The following PTPRD variants were observed in gnomAD, a reference collection of about 807,000 sequenced individuals.
PTPRD encodes protein tyrosine phosphatase receptor type D.
PTPRD carries 34 observed loss-of-function variants against 214.5 expected under a neutral mutation model. The ratio of observed to expected loss-of-function variants is 0.16; its 90% CI spans 0.12 to 0.21. The LOEUF (loss-of-function observed/expected upper bound fraction) is 0.21, where lower values mean the gene tolerates loss of function less well. Ranked by LOEUF, PTPRD falls within the 10% of genes least tolerant of loss-of-function variation. The pLI is 1.00. For synonymous variants in PTPRD, 1,128 were observed against 845.7 expected, an observed-to-expected ratio of 1.33 and a Z score of -5.79; for missense variants, 2,545 against 2,398.7, an observed-to-expected ratio of 1.06 and a Z score of -1.27.
intron 11 of PTPRD, among the ~76,000 whole-genome samples, chr9:8,776,378 C>A (rs12352033): frequency 1.3e-5 from 2 of 152,248 alleles, no homozygotes; most frequent in East Asian, 1.9e-4. Context: ...TCTTGGCTCA[C>A]TGCAGTATTG....
At chr9:8,564,123 C>G (rs528855234) in intron 14 of PTPRD, among the ~76,000 whole-genome samples, 8 of 151,342 alleles carry the variant, frequency 5.3e-5, no homozygotes, top group African/African-American at 1.9e-4. Context: ...AACTGCCAGT[C>G]AGCCACATGA....
chr9:10,093,341 A>T (rs1320722363), intron 3 of PTPRD, among the ~76,000 whole-genome samples: 2 of 151,636 alleles, frequency 1.3e-5, no homozygotes, highest in East Asian at 3.9e-4. Flanking sequence ...AACATGAAAA[A>T]AATCCTCATC....
Position 9,243,540 on chromosome 9 carries a change from C to A in PTPRD, c.-202-60177G>T, listed in dbSNP as rs189856924. ...TATAAACAGAACCAAAGACAAAAACCACATGATTATCTCAATAGATTCAGA... is the reference window on the plus strand; with the variant it reads ...TATAAACAGAACCAAAGACAAAAACAACATGATTATCTCAATAGATTCAGA... On this transcript the variant is annotated intron_variant, in intron 9 of 45. Coordinates refer to ENST00000381196, the MANE Select transcript of PTPRD (RefSeq NM_002839.4). Among the ~76,000 whole-genome samples, 1,027 of 152,160 alleles carry A rather than the reference C, an allele frequency of 6.7e-3. 11 individuals carry two copies. The highest frequency in any genetic ancestry group is 0.023 in the African/African-American group (958 of 41,518).
At chr9:10,603,735 G>T (rs1313454364) in intron 2 of PTPRD, among the ~76,000 whole-genome samples, 1 of 151,826 alleles carries the variant, frequency 6.6e-6, no homozygotes, top group Admixed American at 6.6e-5. Context: ...TCTATCTGAA[G>T]ATTTCTCAAG....
At chr9:8,745,516 G>C (rs911189174) in intron 11 of PTPRD, among the ~76,000 whole-genome samples, 1 of 152,136 alleles carries the variant, frequency 6.6e-6, no homozygotes, top group Non-Finnish European at 1.5e-5. Flanking sequence ...CACTGTCCTA[G>C]ACCAATAAAT....
chr9:9,924,586 G>A (rs907409779), intron 5 of PTPRD, among the ~76,000 whole-genome samples: 3 of 151,954 alleles, frequency 2.0e-5, no homozygotes, highest in Admixed American at 6.6e-5. Flanking sequence ...TTTCCAGTAC[G>A]CTTTCACTTT....
chr9:9,631,844 C>A (rs2095604909), intron 7 of PTPRD, among the ~76,000 whole-genome samples: 1 of 152,034 alleles, frequency 6.6e-6, no homozygotes, highest in Non-Finnish European at 1.5e-5. Context: ...ACTTGCCGGG[C>A]AGTTATTTTA....
chr9:9,936,249 G>A (rs2089339901), intron 5 of PTPRD, among the ~76,000 whole-genome samples: 1 of 148,360 alleles, frequency 6.7e-6, no homozygotes, highest in Non-Finnish European at 1.5e-5. Context: ...AAACTAAAGA[G>A]CTTCTGCACA....
intron 7 of PTPRD, among the ~76,000 whole-genome samples, chr9:9,625,810 G>C (rs2095408810): frequency 6.6e-6 from 1 of 152,160 alleles, no homozygotes; most frequent in Admixed American, 6.5e-5. Context: ...ATTGTAGAAA[G>C]AATGGAGGCA....
intron 7 of PTPRD, among the ~76,000 whole-genome samples, chr9:9,705,401 T>C (rs755629412): frequency 1.1e-4 from 17 of 152,142 alleles, no homozygotes; most frequent in Non-Finnish European, 2.4e-4. Flanking sequence ...TATGTTGAAA[T>C]CAAAAATTCA....
At chr9:10,276,258 A>C (rs1301495048) in intron 3 of PTPRD, among the ~76,000 whole-genome samples, 2 of 152,324 alleles carry the variant, frequency 1.3e-5, no homozygotes, top group East Asian at 3.9e-4. Context: ...TATTTGGGAA[A>C]TGTCACATGT....
intron 9 of PTPRD, among the ~76,000 whole-genome samples, chr9:9,268,168 G>A (rs1013986418): frequency 2.0e-5 from 3 of 150,952 alleles, no homozygotes; most frequent in Non-Finnish European, 4.5e-5. Flanking sequence ...CAGTGAAGTC[G>A]CAGGATAAAA....
chr9:8,541,921 T>C (rs984846411), intron 14 of PTPRD, among the ~76,000 whole-genome samples: 7 of 152,066 alleles, frequency 4.6e-5, no homozygotes, highest in African/African-American at 7.2e-5. Context: ...AGTTCAGACA[T>C]CTGGAAAATA....
At chr9:8,458,776 C>T (rs2096288766) in intron 33 of PTPRD, among the ~76,000 whole-genome samples, 3 of 152,072 alleles carry the variant, frequency 2.0e-5, no homozygotes, top group South Asian at 4.1e-4. Context: ...CTTATAGATA[C>T]AGATTGGAAT....
chr9:9,692,703 G>A (rs1419082182), intron 7 of PTPRD, among the ~76,000 whole-genome samples: 1 of 151,204 alleles, frequency 6.6e-6, no homozygotes, highest in Non-Finnish European at 1.5e-5. Context: ...CATTGAATCT[G>A]CAGATTGCTT....
intron 11 of PTPRD, among the ~76,000 whole-genome samples, chr9:8,837,307 G>A (rs2097451146): frequency 6.6e-6 from 1 of 151,874 alleles, no homozygotes; most frequent in Admixed American, 6.6e-5. Context: ...GAGCCACTGC[G>A]CCTGACAAGA....
intron 9 of PTPRD, among the ~76,000 whole-genome samples, chr9:9,337,933 C>A (rs145072609): frequency 1.3e-5 from 2 of 152,022 alleles, no homozygotes. Context: ...TATAAAATTG[C>A]GGAATTTTAC....
At chr9:10,263,443 T>A (rs2093830330) in intron 3 of PTPRD, among the ~76,000 whole-genome samples, 1 of 151,950 alleles carries the variant, frequency 6.6e-6, no homozygotes, top group African/African-American at 2.4e-5. Flanking sequence ...AAAAATGAGG[T>A]CCAGGCTAAG....
At chr9:9,863,952 T>A (rs139920806) in intron 5 of PTPRD, among the ~76,000 whole-genome samples, 169 of 152,290 alleles carry the variant, frequency 1.1e-3, no homozygotes, top group Non-Finnish European at 1.2e-3. Flanking sequence ...GTTGGTTGAT[T>A]TCTCATTTAT....
Sources: allele counts gnomAD v4.1 joint callset (sites outside exome capture counted in the v4.1 genomes callset), GRCh38; gene constraint gnomAD v4.1.1; transcripts MANE v1.5; gene names NCBI Gene and HGNC (gene_info 2026-07-23, HGNC 2026-07-21).